Variants in SBF2 observed in about 807,000 individuals in gnomAD.
The protein encoded by SBF2 is myotubularin-related protein 13.
A neutral mutation model predicts 225.2 loss-of-function variants in SBF2; 112 were observed. That is an observed-to-expected ratio of 0.50 (90% CI 0.43 to 0.58). SBF2 has a LOEUF of 0.58. Among genes scored for constraint, SBF2 ranks in the 20% least tolerant of loss-of-function variants. The probability of loss-of-function intolerance (pLI) is 0.00; values close to 1 mark genes in which losing one functional copy is unlikely to be tolerated. For synonymous variants in SBF2, 763 were observed against 773.3 expected, an observed-to-expected ratio of 0.99 and a Z score of 0.22; for missense variants, 1,996 against 2,206.2, an observed-to-expected ratio of 0.90 and a Z score of 1.91.
intron 1 of SBF2, among the ~76,000 whole-genome samples, chr11:10,258,137 CCTCT>C (rs1385472669): frequency 1.3e-5 from 2 of 149,460 alleles, no homozygotes; most frequent in African/African-American, 2.5e-5. Context: ...ACAGGATCTC[CCTCT>C]GTCACCTGGG....
intron 2 of SBF2, among the ~76,000 whole-genome samples, chr11:10,147,512 C>T (rs191831829): frequency 1.6e-4 from 25 of 152,022 alleles, no homozygotes; most frequent in Middle Eastern, 3.4e-3. Context: ...GGGAGCTAAA[C>T]GATGAGAACC....
In SBF2 at chr11:9,812,812, T is replaced by C. The variant is rs867583904; in HGVS notation, c.3979-104A>G. 1.4e-5 allele frequency: 16 copies of C among 1,164,554 alleles called. No individual in the cohort carries two copies. The South Asian group carries it at 1.5e-4, about 11-fold the overall frequency. 72.1% of individuals were successfully genotyped at this position (1,164,554 alleles called of 1,614,324 possible). The stretch of plus-strand genomic sequence containing the variant: ...AATGACAAAGTTATTTGGGGCCAAA[T>C]AGCTGCAGAGGCTGCCAATGGGTCA... On this transcript the variant is annotated intron_variant, in intron 29 of 39. Transcript: ENST00000256190.
At chr11:10,213,438 A>C (rs1958013296) in intron 1 of SBF2, among the ~76,000 whole-genome samples, 3 of 152,226 alleles carry the variant, frequency 2.0e-5, no homozygotes, top group African/African-American at 4.8e-5. Flanking sequence ...CTCATAGATG[A>C]ATCTACATTA....
At chr11:9,993,660 A>AT (rs770089463) in intron 10 of SBF2, among the ~76,000 whole-genome samples, 13 of 152,128 alleles carry the variant, frequency 8.5e-5, no homozygotes, top group Non-Finnish European at 1.6e-4. Flanking sequence ...CTAGGCTCTG[A>AT]TTTTCTGTCC....
intron 17 of SBF2, among the ~76,000 whole-genome samples, chr11:9,869,654 C>G (rs1219019705): frequency 6.6e-6 from 1 of 152,152 alleles, no homozygotes; most frequent in African/African-American, 2.4e-5. Context: ...TTCAATATCC[C>G]TTCATGTTAA....
Position 9,856,696 on chromosome 11 carries a change from G to A in SBF2, c.2125C>T (p.Gln709Ter), listed in dbSNP as rs1011174968. 1 of 1,613,772 alleles carries A rather than the reference G, an allele frequency of 6.2e-7. No homozygotes were observed. Among genetic ancestry groups the A allele is most frequent in the Non-Finnish European group, 8.5e-7 (1 of 1,179,970 alleles). Residue 709 changes from glutamine to a stop codon, truncating the protein, a stop_gained, in exon 19 of 40, where the codon CAG becomes TAG. Coordinates refer to ENST00000256190, the MANE Select transcript of SBF2 (RefSeq NM_030962.4). LOFTEE classifies it high-confidence loss of function. ...GCCAGGTCCATTGCTGTCTTCTCCTGATAATGGTCATCAGGAAGCTTATCC... is the reference window on the plus strand; with the variant it reads ...GCCAGGTCCATTGCTGTCTTCTCCTAATAATGGTCATCAGGAAGCTTATCC... ...QKDKLPDDHY[Q>*]EKTAMDLAAE...
intron 26 of SBF2, chr11:9,838,305 G>A (rs185007969): frequency 6.6e-6 from 1 of 151,372 alleles, no homozygotes; most frequent in Non-Finnish European, 1.5e-5. Context: ...TATAACCAGT[G>A]TTCTAATAAG....
intron 2 of SBF2, among the ~76,000 whole-genome samples, chr11:10,172,503 C>T (rs1956239883): frequency 6.6e-6 from 1 of 152,060 alleles, no homozygotes; most frequent in African/African-American, 2.4e-5. Flanking sequence ...AGGCACCTGC[C>T]ACCGCGCCCG....
At chr11:10,227,263 C>T (rs1375093284) in intron 1 of SBF2, among the ~76,000 whole-genome samples, 6 of 152,080 alleles carry the variant, frequency 3.9e-5, no homozygotes, top group African/African-American at 7.2e-5. Flanking sequence ...TTCTCCCATT[C>T]TGTAGGTTGC....
At chr11:9,907,740 C>A (rs1364770314) in intron 16 of SBF2, among the ~76,000 whole-genome samples, 4 of 152,192 alleles carry the variant, frequency 2.6e-5, no homozygotes, top group Non-Finnish European at 2.9e-5. Context: ...GAAACTAGAA[C>A]ACTGCACCTG....
At chr11:10,196,634 C>A (rs1036062678) in intron 1 of SBF2, among the ~76,000 whole-genome samples, 1 of 151,852 alleles carries the variant, frequency 6.6e-6, no homozygotes, top group African/African-American at 2.4e-5. Context: ...CCGCCTCAGC[C>A]TCCCAAAGTG....
chr11:9,794,596 T>C (rs1400792901), intron 33 of SBF2, among the ~76,000 whole-genome samples: 1 of 138,038 alleles, frequency 7.2e-6, no homozygotes, highest in Non-Finnish European at 1.5e-5. Flanking sequence ...ACCTGGGAAA[T>C]AGAGGTTGCA....
chr11:10,263,409 T>C (rs1222511014), intron 1 of SBF2, among the ~76,000 whole-genome samples: 5 of 152,002 alleles, frequency 3.3e-5, no homozygotes, highest in Non-Finnish European at 7.4e-5. Context: ...TTTAGAGGGG[T>C]TGCCCTGACT....
chr11:10,015,498 T>C (rs1161228121), intron 6 of SBF2, among the ~76,000 whole-genome samples: 2 of 152,192 alleles, frequency 1.3e-5, no homozygotes, highest in African/African-American at 2.4e-5. Context: ...AAGTTGACTA[T>C]GAGCAGTCAT....
chr11:9,960,648 A>G (rs1866502578), intron 16 of SBF2: 1 of 148,318 alleles, frequency 6.7e-6, no homozygotes, highest in African/African-American at 2.4e-5. Flanking sequence ...CCAATTCTAC[A>G]CTGTCTTAAA....
At chr11:10,076,195 G>A (rs1005676388) in intron 2 of SBF2, among the ~76,000 whole-genome samples, 3 of 152,174 alleles carry the variant, frequency 2.0e-5, no homozygotes, top group African/African-American at 4.8e-5. Flanking sequence ...CAGGCCACTG[G>A]GGAGCTCCGT....
At chr11:10,111,550 T>C (rs1250999856) in intron 2 of SBF2, among the ~76,000 whole-genome samples, 2 of 152,188 alleles carry the variant, frequency 1.3e-5, no homozygotes, top group Non-Finnish European at 2.9e-5. Flanking sequence ...AAAAAGTAAC[T>C]GTAGTTGGAT....
At chr11:10,304,269 G>C (rs1964627401) in intron 1 of SBF2, among the ~76,000 whole-genome samples, 1 of 152,148 alleles carries the variant, frequency 6.6e-6, no homozygotes, top group Non-Finnish European at 1.5e-5. Flanking sequence ...TCACGTTTAC[G>C]ATGGATTAAT....
intron 1 of SBF2, among the ~76,000 whole-genome samples, chr11:10,211,448 C>T (rs532733970): frequency 1.3e-5 from 2 of 152,332 alleles, no homozygotes; most frequent in South Asian, 4.1e-4. Flanking sequence ...TCTTCTACTT[C>T]AGAAAGGACA....
Sources: allele counts gnomAD v4.1 joint callset (sites outside exome capture counted in the v4.1 genomes callset), GRCh38; gene constraint gnomAD v4.1.1; transcripts MANE v1.5; gene names NCBI Gene and HGNC (gene_info 2026-07-23, HGNC 2026-07-21).